The following ESPL1 variants were observed in gnomAD, a reference collection of about 807,000 sequenced individuals.
ESPL1 encodes extra spindle pole bodies like 1, separase, also known as separin.
ESPL1 carries 50 observed loss-of-function variants against 217.2 expected under a neutral mutation model. That is an observed-to-expected ratio of 0.23 (90% CI 0.18 to 0.29). The LOEUF (loss-of-function observed/expected upper bound fraction) is 0.29. ESPL1 is among the 10% of genes least tolerant of loss of function. The probability of loss-of-function intolerance (pLI) is 1.00; values close to 1 mark genes in which losing one functional copy is unlikely to be tolerated. For missense variants in ESPL1, 1,834 were observed against 2,603.0 expected, an observed-to-expected ratio of 0.70 and a Z score of 6.43; for synonymous variants, 994 against 1,081.3, an observed-to-expected ratio of 0.92 and a Z score of 1.58.
intron 5 of ESPL1, 32 bp downstream of exon 5, chr12:53,270,830 G>A (rs1030175590): frequency 1.2e-6 from 2 of 1,612,828 alleles, no homozygotes; most frequent in African/African-American, 2.7e-5. Flanking sequence ...CACAGAGTTT[G>A]TGGGAGGGTC....
rs1353159618 is a variant in ESPL1, at chr12:53,292,046, G to A, written c.5754G>A (p.Leu1918=). The part of the protein sequence containing the change: ...PSLQALPVTR[L]PSFRFLLSYS... The stretch of plus-strand genomic sequence containing the variant: ...TCCAAGCACTGCCTGTCACCCGGCT[G>A]CCCTCCTTCCGCTTCCTACTCAGCT... Residue 1918 remains leucine (L), a synonymous_variant, in exon 27 of 31, where the codon CTG becomes CTA. Coordinates refer to ENST00000257934, the MANE Select transcript of ESPL1 (RefSeq NM_012291.5). This position sits in a 1 kb window ranked among gnomAD's most constrained non-coding sequence, Gnocchi z 4.5. The A allele has an allele frequency of 2.5e-6, 4 of 1,614,140 alleles. No homozygotes were observed. In the South Asian group the frequency reaches 4.4e-5, roughly 18 times the overall value.
rs763212736 is a variant in ESPL1 at position 53,270,764 on chromosome 12, G to A, written c.1335G>A (p.Ser445=). ...TGCTGGAGGCCTTAGAGGGCCTGTCGGGCCAAGAGCTGACGGACCACATGG... is the reference window on the plus strand; with the variant it reads ...TGCTGGAGGCCTTAGAGGGCCTGTCAGGCCAAGAGCTGACGGACCACATGG... The part of the protein sequence containing the change: ...VWMLEALEGL[S]GQELTDHMGM... The change falls in exon 5 of 31, where the codon TCG becomes TCA. Residue 445 remains serine, a synonymous_variant. Transcript: ENST00000257934. The A allele has an allele frequency of 1.1e-5, 17 of 1,614,070 alleles. No individual in the cohort carries two copies. The East Asian group carries it at 2.0e-4, about 19-fold the overall frequency.
intron 6 of ESPL1, among the ~76,000 whole-genome samples, chr12:53,273,800 G>C (rs1395812707): frequency 2.0e-5 from 3 of 147,080 alleles, no homozygotes; most frequent in Non-Finnish European, 4.5e-5. Flanking sequence ...GGTCCTTTGA[G>C]CAAGGAGAGT....
intron 11 of ESPL1, among the ~76,000 whole-genome samples, chr12:53,278,933 G>C (rs927101396): frequency 6.6e-6 from 1 of 151,766 alleles, no homozygotes; most frequent in African/African-American, 2.4e-5. Flanking sequence ...TGTTACCCAG[G>C]CTGGAGTGCA....
At chr12:53,273,801 C>A (rs1943716443) in intron 6 of ESPL1, among the ~76,000 whole-genome samples, 1 of 144,516 alleles carries the variant, frequency 6.9e-6, no homozygotes, top group African/African-American at 2.6e-5. Flanking sequence ...GTCCTTTGAG[C>A]AAGGAGAGTG....
Position 53,291,707 on chromosome 12 carries a change from C to G in ESPL1, c.5538C>G (p.Ala1846=). The part of the protein sequence containing the change: ...RTLLKIMLSG[A]GALTPQDIQA... Reference sequence around the variant, plus strand: ...CCCTGCAGATCATGCTCAGTGGTGCCGGTGCCCTCACCCCTCAGGACATTC... The same window carrying G: ...CCCTGCAGATCATGCTCAGTGGTGCGGGTGCCCTCACCCCTCAGGACATTC... Residue 1846 remains alanine (A), a synonymous_variant, in exon 26 of 31, where the codon GCC becomes GCG. Coordinates refer to ENST00000257934, the MANE Select transcript of ESPL1 (RefSeq NM_012291.5). 1 of 1,613,868 alleles carries G rather than the reference C, an allele frequency of 6.2e-7. No individual in the cohort carries two copies. The highest frequency in any genetic ancestry group is 8.5e-7 in the Non-Finnish European group (1 of 1,179,856).
At position 53,288,559 on chromosome 12, in the gene ESPL1, G is replaced by T. The variant is rs1006355594; in HGVS notation, c.4568G>T (p.Gly1523Val). 1.9e-6 allele frequency: 3 copies of T among 1,613,158 alleles called. No individual in the cohort carries two copies. The highest frequency in any genetic ancestry group is 1.7e-4 in the Middle Eastern group (1 of 6,060). The change falls in exon 20 of 31, where the codon GGC becomes GTC. Residue 1523 changes from glycine (G) to valine (V), a missense_variant. By Grantham distance (109) the Gly-to-Val change is moderately radical (BLOSUM62 -3). Transcript: ENST00000257934. ...SASGGKTPAPGPEAASGEWEL... is the reference protein window; with the variant it reads ...SASGGKTPAPVPEAASGEWEL... ...CCAGGTGGGAAGACTCCAGCTCCGG[G>T]CCCTGAGGCAGCTTCTGGAGAATGG...
chr12:53,289,654 G>T lies in ESPL1; in HGVS notation c.5113+60G>T, dbSNP rs573562494. 2.8e-5 allele frequency: 40 copies of T among 1,450,558 alleles called. No individual in the cohort carries two copies. The African/African-American group carries it at 5.2e-4, about 19-fold the overall frequency. 89.9% of individuals were successfully genotyped at this position (1,450,558 alleles called of 1,614,324 possible). ...CTCTTCTGCATCTTCTTACTTGGGA[G>T]CTGGGTGAAGGAGTTTTAGGCATTG... On this transcript the variant is annotated intron_variant, in intron 22 of 30. Coordinates refer to ENST00000257934, the MANE Select transcript of ESPL1 (RefSeq NM_012291.5).
Position 53,282,177 on chromosome 12 carries a change from G to C in ESPL1, c.2620-87G>C. 1 of 1,124,916 alleles carries C rather than the reference G, an allele frequency of 8.9e-7. No homozygotes were observed. The highest frequency in any genetic ancestry group is 1.3e-6 in the Non-Finnish European group (1 of 753,672). 69.7% of individuals were successfully genotyped at this position (1,124,916 alleles called of 1,614,324 possible). A position where few individuals can be genotyped will look rare whatever the true frequency, so the allele number is the denominator to read the frequency against. ...TCTTTCTAATACCCAGGGCCTTCAG[G>C]GATGGGGCCACGTAATCTCCAGGGC... On this transcript the variant is annotated intron_variant, in intron 13 of 30. Transcript: ENST00000257934. This position sits in a 1 kb window ranked among gnomAD's most constrained non-coding sequence, Gnocchi z 4.0.
Position 53,292,656 on chromosome 12 carries a change from A to G in ESPL1, c.5995A>G (p.Ile1999Val), listed in dbSNP as rs759801304. The stretch of plus-strand genomic sequence containing the variant: ...AGCCCTGACAAAGCATGATTTGTAT[A>G]TGTGAGTGCTTAAGGCAGGGATGTG... Reference protein sequence around the residue: ...QEALTKHDLYIYAGHGAGARF... With the variant: ...QEALTKHDLYVYAGHGAGARF... Residue 1999 changes from isoleucine (I) to valine (V), a missense_variant and splice_region_variant, in exon 29 of 31, where the codon ATC becomes GTC. This residue lies in a region of ESPL1 where 295 missense variants were observed against 519.8 expected (regional missense o/e 0.57). Transcript: ENST00000257934. This position sits in a 1 kb window ranked among gnomAD's most constrained non-coding sequence, Gnocchi z 4.5. 4.3e-6 allele frequency: 7 copies of G among 1,611,638 alleles called. No homozygotes were observed. Among genetic ancestry groups the G allele is most frequent in the Non-Finnish European group, 5.1e-6 (6 of 1,178,668 alleles).
chr12:53,292,759 G>A lies in ESPL1; in HGVS notation c.5997-47G>A, dbSNP rs764043295. The A allele has an allele frequency of 1.1e-5, 17 of 1,605,628 alleles. No homozygotes were observed. In the South Asian group the frequency reaches 1.6e-4, roughly 16 times the overall value. On this transcript the variant is annotated intron_variant, in intron 29 of 30. Coordinates refer to ENST00000257934, the MANE Select transcript of ESPL1 (RefSeq NM_012291.5). The surrounding 1 kb of genome is among the most constrained non-coding windows in gnomAD (Gnocchi z 4.5). Reference sequence around the variant, plus strand: ...AGAGCCTCTGAAGACACAGGCAGAGGCCAGGTATTACTAGCTCAAGACTCA... The same window carrying A: ...AGAGCCTCTGAAGACACAGGCAGAGACCAGGTATTACTAGCTCAAGACTCA...
intron 24 of ESPL1, 101 bp from the exon 25 acceptor site, chr12:53,290,740 T>C (rs963340472): frequency 2.8e-6 from 3 of 1,074,972 alleles, no homozygotes; most frequent in Non-Finnish European, 4.0e-6. Flanking sequence ...AAGACAGACA[T>C]GCACATTGGA....
chr12:53,287,915 C>T (rs1339406046), intron 18 of ESPL1, 57 bp from the exon 19 acceptor site: 16 of 1,507,214 alleles, frequency 1.1e-5, no homozygotes, highest in Non-Finnish European at 1.4e-5. Flanking sequence ...CCTGCTGTCA[C>T]AAGGTGTCTT....
intron 3 of ESPL1, 77 bp downstream of exon 3, chr12:53,270,162 TG>T: frequency 7.7e-7 from 1 of 1,292,654 alleles, no homozygotes; most frequent in South Asian, 1.4e-5. Flanking sequence ...TGGCAAGATC[TG>T]GAGGTCCTGG....
In ESPL1 at chr12:53,293,083, T is replaced by A; in HGVS notation, c.6161+113T>A. ...CTTGTGCCCCATTTTCCTCCTATCC[T>A]AGTTAGTTCCCTGGCATGCCTGGAC... On this transcript the variant is annotated intron_variant, in intron 30 of 30. Coordinates refer to ENST00000257934, the MANE Select transcript of ESPL1 (RefSeq NM_012291.5). This position sits in a 1 kb window ranked among gnomAD's most constrained non-coding sequence, Gnocchi z 4.2. The A allele has an allele frequency of 8.9e-7, 1 of 1,119,978 alleles. No individual in the cohort carries two copies. Among genetic ancestry groups the A allele is most frequent in the Non-Finnish European group, 1.3e-6 (1 of 783,232 alleles). 69.4% of individuals were successfully genotyped at this position (1,119,978 alleles called of 1,614,324 possible). A position where few individuals can be genotyped will look rare whatever the true frequency, so the allele number is the denominator to read the frequency against.
chr12:53,284,240 A>C, intron 17 of ESPL1, 73 bp downstream of exon 17: 1 of 953,760 alleles, frequency 1.0e-6, no homozygotes, highest in South Asian at 1.3e-5. Flanking sequence ...TTCTATGTAA[A>C]GGTTTCGTTG....
At position 53,269,608 on chromosome 12, in the gene ESPL1, C is replaced by G; in HGVS notation, c.666C>G (p.Asp222Glu). ...AAGCAGATGCTGATTTCCTAGATGACCTGCTCTCCAGGCACGTGATCAGAG... is the reference window on the plus strand; with the variant it reads ...AAGCAGATGCTGATTTCCTAGATGAGCTGCTCTCCAGGCACGTGATCAGAG... ...LNEADADFLD[D>E]LLSRHVIRAL... is the part of the protein sequence containing the mutation. Residue 222 changes from aspartate to glutamate, a missense_variant, in exon 3 of 31, where the codon GAC becomes GAG. Transcript: ENST00000257934. The surrounding 1 kb of genome is among the most constrained non-coding windows in gnomAD (Gnocchi z 6.7). 1 of 1,614,230 alleles carries G rather than the reference C, an allele frequency of 6.2e-7. No individual in the cohort carries two copies.
At chr12:53,283,592 C>G in intron 16 of ESPL1, 54 bp downstream of exon 16, 1 of 1,529,664 alleles carries the variant, frequency 6.5e-7, no homozygotes, top group Admixed American at 1.9e-5. Context: ...GCCATGCACC[C>G]TTGAACATGG....
In ESPL1 at chr12:53,268,700, C is replaced by A. The variant is rs1028498208; in HGVS notation, c.-12-55C>A. 6.3e-6 allele frequency: 7 copies of A among 1,104,486 alleles called. No homozygotes were observed. The Admixed American group carries it at 8.3e-5, about 13-fold the overall frequency. The allele number at this position is 1,104,486 out of a possible 1,614,324, so 68.4% of individuals were successfully genotyped here. On this transcript the variant is annotated intron_variant, in intron 1 of 30. Coordinates refer to ENST00000257934, the MANE Select transcript of ESPL1 (RefSeq NM_012291.5). Reference sequence around the variant, plus strand: ...CTTCCACGACCTTCAGCCCTCTTCCCTTCCTCCAGTTAGCTTCATTAACAA... The same window carrying A: ...CTTCCACGACCTTCAGCCCTCTTCCATTCCTCCAGTTAGCTTCATTAACAA...
Sources: allele counts gnomAD v4.1 joint callset (sites outside exome capture counted in the v4.1 genomes callset), GRCh38; gene constraint gnomAD v4.1.1; regional missense constraint gnomAD v4.1.1; non-coding constraint Gnocchi (gnomAD v3.1); transcripts MANE v1.5; gene names NCBI Gene and HGNC (gene_info 2026-07-23, HGNC 2026-07-21).